PTPRM: variants seen among roughly 807,000 people sequenced by gnomAD.
PTPRM encodes receptor-type tyrosine-protein phosphatase mu.
PTPRM carries 47 observed loss-of-function variants against 186.7 expected under a neutral mutation model. That is an observed-to-expected ratio of 0.25 (90% CI 0.20 to 0.32). The LOEUF is 0.32. Ranked by LOEUF, PTPRM falls within the 10% of genes least tolerant of loss-of-function variation. The probability of loss-of-function intolerance (pLI) is 1.00; values close to 1 mark genes in which losing one functional copy is unlikely to be tolerated. For missense variants in PTPRM, 1,494 were observed against 1,865.0 expected (o/e 0.80, Z 3.66); for synonymous variants, 668 against 674.9 (o/e 0.99, Z 0.16).
intron 1 of PTPRM, among the ~76,000 whole-genome samples, chr18:7,585,444 C>T (rs1198672155): frequency 6.6e-6 from 1 of 152,028 alleles, no homozygotes; most frequent in Non-Finnish European, 1.5e-5. Flanking sequence ...GGCAGTCTTC[C>T]CTTCTGTCCC....
chr18:8,316,082 A>G (rs2095307041), intron 21 of PTPRM, among the ~76,000 whole-genome samples: 2 of 152,194 alleles, frequency 1.3e-5, no homozygotes, highest in African/African-American at 4.8e-5. Context: ...TCCTCCTCAC[A>G]GTCTCCCAAC....
At position 7,984,592 on chromosome 18, in the gene PTPRM, TATATATATATACAC is replaced by T. The variant is rs1158323591; in HGVS notation, c.1132+29180_1132+29193del. On this transcript the variant is annotated intron_variant, in intron 7 of 32. Coordinates refer to ENST00000580170, the MANE Select transcript of PTPRM (RefSeq NM_001105244.2). ...TGCCCCATATATATATATATATATA[TATATATATATACAC>T]ACACACACACACACACACACACAAA... 1.3e-3 allele frequency among the ~76,000 whole-genome samples: 161 copies of T among 123,000 alleles called. 2 individuals are homozygous for T. Among genetic ancestry groups the T allele is most frequent in the African/African-American group, 5.1e-3 (157 of 30,560 alleles). The allele number at this position is 123,000 out of a possible 152,430, so 80.7% of individuals were successfully genotyped here. A position where few individuals can be genotyped will look rare whatever the true frequency, so the allele number is the denominator to read the frequency against.
At chr18:7,888,034 G>T (rs2048873977) in intron 2 of PTPRM, 72 bp from the exon 3 acceptor site, 2 of 1,578,742 alleles carry the variant, frequency 1.3e-6, no homozygotes, top group South Asian at 1.1e-5. Flanking sequence ...CCATGTAAAT[G>T]GTGGTGGGTT....
At chr18:8,083,241 G>A (rs945843606) in intron 9 of PTPRM, among the ~76,000 whole-genome samples, 8 of 152,094 alleles carry the variant, frequency 5.3e-5, no homozygotes, top group Non-Finnish European at 1.0e-4. Flanking sequence ...GCTTAAAAAC[G>A]TTCAAGGGCT....
chr18:7,649,988 G>A (rs773348429), intron 1 of PTPRM, among the ~76,000 whole-genome samples: 2 of 152,098 alleles, frequency 1.3e-5, no homozygotes, highest in Non-Finnish European at 1.5e-5. Flanking sequence ...ACAGTATAGT[G>A]TAAACATAAC....
At chr18:7,632,586 G>A (rs776014244) in intron 1 of PTPRM, among the ~76,000 whole-genome samples, 37 of 152,122 alleles carry the variant, frequency 2.4e-4, no homozygotes, top group East Asian at 9.7e-4. Context: ...AAGTTGGGGC[G>A]GCTGAAAAAG....
chr18:8,338,583 A>G (rs2095454425), intron 22 of PTPRM, among the ~76,000 whole-genome samples: 1 of 152,164 alleles, frequency 6.6e-6, no homozygotes, highest in Non-Finnish European at 1.5e-5. Context: ...TAGCTGTGTG[A>G]CCTTAGACAG....
chr18:7,774,060 C>A, intron 1 of PTPRM, 89 bp from the exon 2 acceptor site: 2 of 1,347,612 alleles, frequency 1.5e-6, no homozygotes, highest in African/African-American at 1.5e-5. Context: ...TCAAACTTGG[C>A]ATCAAGTCTA....
intron 22 of PTPRM, among the ~76,000 whole-genome samples, chr18:8,328,983 G>A (rs547855945): frequency 2.0e-5 from 3 of 152,328 alleles, no homozygotes; most frequent in Non-Finnish European, 4.4e-5. Context: ...GTAAAAAATA[G>A]AGCATGTCAG....
At chr18:7,964,166 G>T (rs1182626082) in intron 7 of PTPRM, among the ~76,000 whole-genome samples, 1 of 152,170 alleles carries the variant, frequency 6.6e-6, no homozygotes, top group East Asian at 1.9e-4. Context: ...ATACTACACT[G>T]GGGTCCTATG....
rs927454565 is a variant in PTPRM, at chr18:7,668,187, A to G, written c.73+100296A>G. ...AGCAGTCCTTCTTCAAAGGGTGTGC[A>G]TGGTGAGGAGCTGCACCACGGTGGT... is the stretch of plus-strand genomic sequence containing the variant. On this transcript the variant is annotated intron_variant, in intron 1 of 32. Coordinates refer to ENST00000580170, the MANE Select transcript of PTPRM (RefSeq NM_001105244.2). This position sits in a 1 kb window ranked among gnomAD's most constrained non-coding sequence, Gnocchi z 4.7. 6.6e-6 allele frequency among the ~76,000 whole-genome samples: 1 copy of G among 152,178 alleles called. No individual in the cohort carries two copies. Among genetic ancestry groups the G allele is most frequent in the East Asian group, 1.9e-4 (1 of 5,182 alleles).
rs776894602 is a variant in PTPRM, at chr18:8,113,537, G to C, written c.1908G>C (p.Thr636=). The part of the protein sequence containing the change: ...EEERPRRTKK[T]TEILKCYPVP... ...AACGTCCTCGAAGAACTAAAAAGAC[G>C]ACAGAAATCTTAAAGTGCTACCCAG... is the stretch of plus-strand genomic sequence containing the variant. Residue 636 remains threonine (T), a synonymous_variant, in exon 12 of 33, where the codon ACG becomes ACC. Transcript: ENST00000580170. 1.5e-5 allele frequency: 24 copies of C among 1,613,614 alleles called. No individual in the cohort carries two copies. Among genetic ancestry groups the C allele is most frequent in the Non-Finnish European group, 1.9e-5 (23 of 1,179,680 alleles).
At chr18:8,068,002 G>C (rs1404707065) in intron 7 of PTPRM, among the ~76,000 whole-genome samples, 1 of 152,154 alleles carries the variant, frequency 6.6e-6, no homozygotes, top group Admixed American at 6.5e-5. Flanking sequence ...GTTTGGTAGA[G>C]AAAACAGTGG....
intron 7 of PTPRM, among the ~76,000 whole-genome samples, chr18:7,972,773 T>C (rs1466313417): frequency 2.0e-5 from 3 of 152,088 alleles, no homozygotes; most frequent in African/African-American, 7.2e-5. Context: ...AATATAGAAG[T>C]ATATGATGAA....
chr18:7,771,068 C>T (rs2042249315), intron 1 of PTPRM, among the ~76,000 whole-genome samples: 2 of 152,188 alleles, frequency 1.3e-5, no homozygotes, highest in Admixed American at 6.5e-5. Flanking sequence ...TTGTATTAGT[C>T]TTCTGGGTTT....
At chr18:7,658,332 A>T (rs1339166063) in intron 1 of PTPRM, among the ~76,000 whole-genome samples, 5 of 73,162 alleles carry the variant, frequency 6.8e-5, no homozygotes, top group South Asian at 7.1e-4. Context: ...AAGTAAATTT[A>T]TATATATATA....
At chr18:8,161,954 TG>T (rs1240590810) in intron 14 of PTPRM, among the ~76,000 whole-genome samples, 1 of 152,170 alleles carries the variant, frequency 6.6e-6, no homozygotes, top group African/African-American at 2.4e-5. Context: ...CTCATCCCTG[TG>T]TTCTGCACTG....
chr18:8,292,613 T>G (rs993875266), intron 19 of PTPRM, among the ~76,000 whole-genome samples: 3 of 152,220 alleles, frequency 2.0e-5, no homozygotes, highest in Admixed American at 1.3e-4. Context: ...TTTGTTTTGT[T>G]TTTTAAAAAA....
intron 2 of PTPRM, among the ~76,000 whole-genome samples, chr18:7,873,541 G>T (rs188509683): frequency 6.6e-6 from 1 of 152,266 alleles, no homozygotes; most frequent in East Asian, 1.9e-4. Flanking sequence ...TAGCAGAGTG[G>T]CTGGCACATA....
Sources: allele counts gnomAD v4.1 joint callset (sites outside exome capture counted in the v4.1 genomes callset), GRCh38; gene constraint gnomAD v4.1.1; non-coding constraint Gnocchi (gnomAD v3.1); transcripts MANE v1.5; gene names NCBI Gene and HGNC (gene_info 2026-07-23, HGNC 2026-07-21).